Variants in MSH3 observed in about 807,000 individuals in gnomAD.
MSH3 encodes DNA mismatch repair protein Msh3.
In MSH3, 106 loss-of-function variants were observed where a neutral mutation model predicts 123.3. The observed-to-expected ratio is 0.86, with a 90% CI of 0.73 to 1.01. MSH3 has a LOEUF of 1.01. Among genes scored for constraint, MSH3 ranks in the 50% least tolerant of loss-of-function variants. The pLI is 0.00. For missense variants in MSH3, 1,459 were observed against 1,347.6 expected, an observed-to-expected ratio of 1.08 and a Z score of -1.29; for synonymous variants, 515 against 481.4, an observed-to-expected ratio of 1.07 and a Z score of -0.91.
At chr5:80,831,835 G>A (rs1423434812) in intron 20 of MSH3, among the ~76,000 whole-genome samples, 6 of 152,166 alleles carry the variant, frequency 3.9e-5, no homozygotes, top group African/African-American at 9.7e-5. Context: ...CAGGTTGGGC[G>A]TGGTGGCTGA....
intron 7 of MSH3, among the ~76,000 whole-genome samples, chr5:80,677,581 A>G (rs1248018212): frequency 6.6e-6 from 1 of 152,140 alleles, no homozygotes; most frequent in Non-Finnish European, 1.5e-5. Flanking sequence ...ATGTTCCTTA[A>G]TTACAGTTAG....
At chr5:80,758,509 G>A (rs1305022425) in intron 12 of MSH3, among the ~76,000 whole-genome samples, 1 of 152,190 alleles carries the variant, frequency 6.6e-6, no homozygotes, top group Non-Finnish European at 1.5e-5. Context: ...CAGAGCCTGG[G>A]TTTGAATCAA....
chr5:80,677,342 T>C (rs1459045113), intron 7 of MSH3, among the ~76,000 whole-genome samples: 1 of 152,220 alleles, frequency 6.6e-6, no homozygotes, highest in African/African-American at 2.4e-5. Flanking sequence ...CTCAGTGTGA[T>C]ACATATCACA....
chr5:80,835,975 C>A (rs967583706), intron 20 of MSH3, among the ~76,000 whole-genome samples: 1 of 151,882 alleles, frequency 6.6e-6, no homozygotes, highest in Admixed American at 6.6e-5. Context: ...TAACAACAAC[C>A]AGTTATATTA....
intron 12 of MSH3, among the ~76,000 whole-genome samples, chr5:80,755,815 C>T (rs1743917292): frequency 1.3e-5 from 2 of 152,088 alleles, no homozygotes; most frequent in Admixed American, 1.3e-4. Flanking sequence ...ACCATAGTAA[C>T]GTGAGACACT....
intron 20 of MSH3, among the ~76,000 whole-genome samples, chr5:80,817,637 A>G (rs1411600037): frequency 6.6e-6 from 1 of 152,146 alleles, no homozygotes; most frequent in Non-Finnish European, 1.5e-5. Context: ...AAATCAAAAT[A>G]TCATTAGTCA....
At chr5:80,802,424 A>C (rs1290496791) in intron 19 of MSH3, among the ~76,000 whole-genome samples, 3 of 151,742 alleles carry the variant, frequency 2.0e-5, no homozygotes, top group Non-Finnish European at 2.9e-5. Flanking sequence ...AAAAAAACAA[A>C]ACAAAAATTG....
intron 17 of MSH3, among the ~76,000 whole-genome samples, chr5:80,782,735 T>C (rs1450869297): frequency 6.6e-6 from 1 of 152,218 alleles, no homozygotes; most frequent in East Asian, 1.9e-4. Flanking sequence ...GAGAGCAGCA[T>C]TGATTGTTAT....
intron 8 of MSH3, among the ~76,000 whole-genome samples, chr5:80,687,714 A>C (rs952696416): frequency 3.3e-5 from 5 of 152,174 alleles, no homozygotes; most frequent in African/African-American, 4.8e-5. Context: ...ATTGAGAAAG[A>C]AAGGGTGAAG....
At chr5:80,859,850 G>A (rs540637258) in intron 21 of MSH3, among the ~76,000 whole-genome samples, 2 of 151,888 alleles carry the variant, frequency 1.3e-5, no homozygotes. Flanking sequence ...GTAGCTGGGA[G>A]TACAGGTGCA....
At chr5:80,667,068 G>A (rs2112810133) in intron 3 of MSH3, among the ~76,000 whole-genome samples, 1 of 152,088 alleles carries the variant, frequency 6.6e-6, no homozygotes, top group South Asian at 2.1e-4. Flanking sequence ...ACCTGCACAT[G>A]TACCCCTGAA....
chr5:80,837,861 A>G (rs935370147), intron 20 of MSH3, among the ~76,000 whole-genome samples: 3 of 152,208 alleles, frequency 2.0e-5, no homozygotes, highest in Admixed American at 6.5e-5. Flanking sequence ...AGTCAGGACT[A>G]GAGATGCATC....
rs758926262 is a variant in MSH3 at position 80,778,810 on chromosome 5, C to A, written c.2409C>A (p.Cys803Ter). ...TCCGGGAGCAGCTAGTCCTTGACTG[C>A]AGTGCTGAATGGCTTGATTTTCTAG... ...NQLREQLVLD[C>*]SAEWLDFLEK... Residue 803 changes from cysteine (C) to a stop codon, truncating the protein, a stop_gained, in exon 17 of 24, where the codon TGC (cysteine) becomes TGA (stop). Transcript: ENST00000265081. LOFTEE classifies it high-confidence loss of function. 6.3e-7 allele frequency: 1 copy of A among 1,597,646 alleles called. No individual in the cohort carries two copies. Among genetic ancestry groups the A allele is most frequent in the Non-Finnish European group, 8.6e-7 (1 of 1,165,146 alleles).
intron 19 of MSH3, among the ~76,000 whole-genome samples, chr5:80,809,933 A>G (rs1428846970): frequency 1.3e-5 from 2 of 152,072 alleles, no homozygotes; most frequent in African/African-American, 4.8e-5. Flanking sequence ...CCAATGAAAA[A>G]GTATATAAAA....
intron 8 of MSH3, among the ~76,000 whole-genome samples, chr5:80,718,139 C>T (rs1444783282): frequency 6.6e-6 from 1 of 152,214 alleles, no homozygotes; most frequent in Non-Finnish European, 1.5e-5. Context: ...TCTCTGCCTC[C>T]TCACTGTCAT....
chr5:80,701,854 A>G (rs1469468532), intron 8 of MSH3, among the ~76,000 whole-genome samples: 1 of 152,028 alleles, frequency 6.6e-6, no homozygotes, highest in Non-Finnish European at 1.5e-5. Context: ...TCAGGCCAGG[A>G]ATTTCTTCCT....
At chr5:80,776,983 G>C (rs368918869) in intron 16 of MSH3, among the ~76,000 whole-genome samples, 7 of 148,170 alleles carry the variant, frequency 4.7e-5, no homozygotes, top group African/African-American at 1.7e-4. Flanking sequence ...CCAGGCTGGA[G>C]TGTAGTGGCG....
chr5:80,690,068 C>T (rs1009781826), intron 8 of MSH3, among the ~76,000 whole-genome samples: 1 of 151,992 alleles, frequency 6.6e-6, no homozygotes, highest in Non-Finnish European at 1.5e-5. Flanking sequence ...GCATGCACCA[C>T]CCCTTACAGC....
At chr5:80,695,741 T>A (rs1750464610) in intron 8 of MSH3, among the ~76,000 whole-genome samples, 1 of 152,252 alleles carries the variant, frequency 6.6e-6, no homozygotes, top group East Asian at 1.9e-4. Flanking sequence ...TTAAAACATT[T>A]AGCATGGCTG....
Sources: allele counts gnomAD v4.1 joint callset (sites outside exome capture counted in the v4.1 genomes callset), GRCh38; gene constraint gnomAD v4.1.1; transcripts MANE v1.5; gene names NCBI Gene and HGNC (gene_info 2026-07-23, HGNC 2026-07-21).